LNPEP: variants seen among roughly 807,000 people sequenced by gnomAD.
The protein encoded by LNPEP is leucyl-cystinyl aminopeptidase.
LNPEP carries 64 observed loss-of-function variants against 120.6 expected under a neutral mutation model. That is an observed-to-expected ratio of 0.53 (90% CI 0.43 to 0.65). The LOEUF (loss-of-function observed/expected upper bound fraction) is 0.65. Ranked by LOEUF, LNPEP falls within the 30% of genes least tolerant of loss-of-function variation. The pLI is 0.00. For synonymous variants in LNPEP, 435 were observed against 425.4 expected, an observed-to-expected ratio of 1.02 and a Z score of -0.28; for missense variants, 1,057 against 1,200.0, an observed-to-expected ratio of 0.88 and a Z score of 1.76.
At chr5:97,023,316 C>A (rs780745945) in intron 14 of LNPEP, among the ~76,000 whole-genome samples, 1 of 151,952 alleles carries the variant, frequency 6.6e-6, no homozygotes, top group Admixed American at 6.6e-5. Flanking sequence ...TGCAGTGGCG[C>A]GATCTCAGCT....
chr5:96,989,033 A>G (rs1790310085), intron 4 of LNPEP, among the ~76,000 whole-genome samples: 3 of 151,834 alleles, frequency 2.0e-5, no homozygotes, highest in South Asian at 4.1e-4. Context: ...GCTTGTGTGT[A>G]TGTGTGTGGA....
In LNPEP at chr5:97,026,685, TGG is replaced by T. The variant is rs764178264; in HGVS notation, c.2794_2795del (p.Gly932SerfsTer19). The T allele has an allele frequency of 6.2e-7, 1 of 1,612,812 alleles. No homozygotes were observed. The highest frequency in any genetic ancestry group is 2.2e-5 in the East Asian group (1 of 44,862). ...AAGCTGTCTTTTATCATTAGAACAGTGGGTCGACATTTTCCTGGACACTTACT... is the reference window on the plus strand; with the variant it reads ...AAGCTGTCTTTTATCATTAGAACAGTGTCGACATTTTCCTGGACACTTACT... On this transcript the variant is annotated frameshift_variant, in exon 16 of 18. Transcript: ENST00000231368. LOFTEE classifies it high-confidence loss of function.
chr5:96,945,241 T>A (rs936239139), intron 1 of LNPEP, among the ~76,000 whole-genome samples: 2 of 114,760 alleles, frequency 1.7e-5, no homozygotes, highest in Non-Finnish European at 3.9e-5. Context: ...TACAAAAAAA[T>A]TAAAAATTAA....
intron 8 of LNPEP, 143 bp from the exon 9 acceptor site, chr5:97,003,272 C>T: frequency 1.9e-6 from 1 of 534,090 alleles, no homozygotes; most frequent in South Asian, 2.5e-5. Context: ...CTATATGAGA[C>T]TAAGTAGCAG....
At chr5:96,951,875 C>G (rs1226028943) in intron 1 of LNPEP, among the ~76,000 whole-genome samples, 2 of 152,114 alleles carry the variant, frequency 1.3e-5, no homozygotes, top group East Asian at 1.9e-4. Flanking sequence ...TGTATTTACT[C>G]TATATGCTTT....
intron 2 of LNPEP, among the ~76,000 whole-genome samples, chr5:96,982,440 A>G (rs1790148693): frequency 6.6e-6 from 1 of 152,224 alleles, no homozygotes; most frequent in Admixed American, 6.5e-5. Flanking sequence ...ATTATCAAGC[A>G]GCAGCCTTCT....
In LNPEP at chr5:97,028,707, T is replaced by A; in HGVS notation, c.*174T>A. ...TTTTTCATCCATCTTTTCTGAAGTG[T>A]CTTTGGGCAGTATGTAGTTATTTAT... On this transcript the variant is annotated 3_prime_UTR_variant, in exon 18 of 18. Coordinates refer to ENST00000231368, the MANE Select transcript of LNPEP (RefSeq NM_005575.3). The A allele has an allele frequency of 1.7e-6, 1 of 599,632 alleles. No individual in the cohort carries two copies. The highest frequency in any genetic ancestry group is 2.9e-6 in the Non-Finnish European group (1 of 345,046). The allele number at this position is 599,632 out of a possible 1,614,324, so 37.1% of individuals were successfully genotyped here. A position where few individuals can be genotyped will look rare whatever the true frequency, so the allele number is the denominator to read the frequency against.
Position 97,003,397 on chromosome 5 carries a change from C to T in LNPEP, c.1654-18C>T, listed in dbSNP as rs1790700971. 4.5e-6 allele frequency: 6 copies of T among 1,338,768 alleles called. No individual in the cohort carries two copies. Among genetic ancestry groups the T allele is most frequent in the Admixed American group, 2.5e-5 (1 of 39,986 alleles). 82.9% of individuals were successfully genotyped at this position (1,338,768 alleles called of 1,614,324 possible). Reference sequence around the variant, plus strand: ...TTCTATTATTTTCTTTCTTTTTCCTCACTTTTTTTTTTAATAGGGATCTTC... The same window carrying T: ...TTCTATTATTTTCTTTCTTTTTCCTTACTTTTTTTTTTAATAGGGATCTTC... On this transcript the variant is annotated intron_variant, in intron 8 of 17. Transcript: ENST00000231368.
chr5:97,028,057 C>G (rs1791389018), intron 17 of LNPEP, among the ~76,000 whole-genome samples: 1 of 152,102 alleles, frequency 6.6e-6, no homozygotes, highest in Admixed American at 6.5e-5. Flanking sequence ...TTTAAGTGGT[C>G]ATAAAATTGT....
chr5:97,015,183 A>G, intron 13 of LNPEP, 88 bp downstream of exon 13: 1 of 817,364 alleles, frequency 1.2e-6, no homozygotes, highest in Non-Finnish European at 1.8e-6. Flanking sequence ...AGGCTGAAAA[A>G]GCAACCAGTT....
rs1378270091 is a variant in LNPEP, at chr5:97,030,817, T to C, written c.*2284T>C. 1 of 152,128 alleles carries C rather than the reference T, an allele frequency of 6.6e-6. No individual in the cohort carries two copies. The highest frequency in any genetic ancestry group is 2.4e-5 in the African/African-American group (1 of 41,420). The allele number at this position is 152,128 out of a possible 1,614,324, so 9.4% of individuals were successfully genotyped here. Reference sequence around the variant, plus strand: ...AATAGTTGTAGTTTTTTTGATGTTGTTGCCCTTACCTTAATTATTTGTAGT... The same window carrying C: ...AATAGTTGTAGTTTTTTTGATGTTGCTGCCCTTACCTTAATTATTTGTAGT... On this transcript the variant is annotated 3_prime_UTR_variant, in exon 18 of 18. Coordinates refer to ENST00000231368, the MANE Select transcript of LNPEP (RefSeq NM_005575.3).
At chr5:96,977,875 G>A (rs184195364) in intron 1 of LNPEP, among the ~76,000 whole-genome samples, 48 of 152,276 alleles carry the variant, frequency 3.2e-4, no homozygotes, top group Admixed American at 2.7e-3. Context: ...ATTAGTTTGA[G>A]TAGAGGGATG....
intron 1 of LNPEP, among the ~76,000 whole-genome samples, chr5:96,976,750 T>TAA (rs61664403): frequency 6.8e-6 from 1 of 148,028 alleles, no homozygotes; most frequent in Non-Finnish European, 1.5e-5. Context: ...ATTTTTAAAT[T>TAA]AAAAAAAAAA....
In LNPEP at chr5:96,983,986, A is replaced by G. The variant is rs141166234; in HGVS notation, c.861-1094A>G. 8.5e-5 allele frequency among the ~76,000 whole-genome samples: 13 copies of G among 152,292 alleles called. 1 individual carries two copies. Among genetic ancestry groups the G allele is most frequent in the African/African-American group, 2.4e-4 (10 of 41,566 alleles). On this transcript the variant is annotated intron_variant, in intron 2 of 17. Coordinates refer to ENST00000231368, the MANE Select transcript of LNPEP (RefSeq NM_005575.3). ...CCACCCTTCTTAATAATCTTCCATC[A>G]GAAACCTTTTTAAGACCTCAGTGGC... is the stretch of plus-strand genomic sequence containing the variant.
Position 96,993,006 on chromosome 5 carries a change from T to C in LNPEP, c.1132-9T>C. 1 of 1,570,162 alleles carries C rather than the reference T, an allele frequency of 6.4e-7. No individual in the cohort carries two copies. The highest frequency in any genetic ancestry group is 8.6e-7 in the Non-Finnish European group (1 of 1,158,122). On this transcript the variant is annotated splice_polypyrimidine_tract_variant and intron_variant, in intron 4 of 17. Transcript: ENST00000231368. Reference sequence around the variant, plus strand: ...CTGTCCTTGCATCATACATAATGTTTTCCTTTAGGTTTCTATATATGCTGT... The same window carrying C: ...CTGTCCTTGCATCATACATAATGTTCTCCTTTAGGTTTCTATATATGCTGT...
At chr5:96,937,185 G>A (rs1788924980) in intron 1 of LNPEP, 1 of 152,124 alleles carries the variant, frequency 6.6e-6, no homozygotes. Context: ...ATTAATAGGG[G>A]CCACAGTCTA....
At chr5:97,023,643 G>T (rs925268931) in intron 14 of LNPEP, among the ~76,000 whole-genome samples, 2 of 152,028 alleles carry the variant, frequency 1.3e-5, no homozygotes, top group African/African-American at 4.8e-5. Context: ...ATAGACCTTT[G>T]TGCTGCTTGT....
rs149674625 is a variant in LNPEP at position 96,996,335 on chromosome 5, A to C, written c.1408-55A>C. 2.0e-3 allele frequency: 1,974 copies of C among 1,003,948 alleles called. 4 individuals are homozygous for C. The highest frequency in any genetic ancestry group is 2.3e-3 in the Non-Finnish European group (1,417 of 628,410). 62.2% of individuals were successfully genotyped at this position (1,003,948 alleles called of 1,614,324 possible). On this transcript the variant is annotated intron_variant, in intron 6 of 17. Transcript: ENST00000231368. ...ATATGACACTTCAGCCAATTATTTA[A>C]AAAATTCCTGAGGCTGTAAATATCC...
chr5:96,969,864 C>A (rs1037282526), intron 1 of LNPEP, among the ~76,000 whole-genome samples: 5 of 150,916 alleles, frequency 3.3e-5, no homozygotes, highest in African/African-American at 1.2e-4. Flanking sequence ...AATAAATTTT[C>A]TTGAATTTTG....
Sources: gnomAD v4.1 joint callset for allele counts (sites outside exome capture counted in the v4.1 genomes callset) on GRCh38, gnomAD v4.1.1 for gene constraint, MANE v1.5 for transcripts, NCBI Gene and HGNC (gene_info 2026-07-23, HGNC 2026-07-21) for gene names.